The following SPHKAP variants were observed in gnomAD, a reference collection of about 807,000 sequenced individuals.
The protein encoded by SPHKAP is A-kinase anchor protein SPHKAP.
A neutral mutation model predicts 137.5 loss-of-function variants in SPHKAP; 67 were observed. That is an observed-to-expected ratio of 0.49 (90% CI 0.40 to 0.60). The LOEUF is 0.60. SPHKAP is among the 20% of genes least tolerant of loss of function. SPHKAP has a pLI of 0.00. For missense variants in SPHKAP, 2,097 were observed against 2,069.3 expected, an observed-to-expected ratio of 1.01 and a Z score of -0.26; for synonymous variants, 813 against 785.3, an observed-to-expected ratio of 1.04 and a Z score of -0.59.
chr2:228,002,502 T>C (rs1454265373), intron 7 of SPHKAP, among the ~76,000 whole-genome samples: 2 of 152,228 alleles, frequency 1.3e-5, no homozygotes, highest in African/African-American at 2.4e-5. Flanking sequence ...AAAAATTTTC[T>C]CCCATTTTGT....
intron 3 of SPHKAP, among the ~76,000 whole-genome samples, chr2:228,071,321 T>C (rs1192804904): frequency 1.3e-5 from 2 of 152,232 alleles, no homozygotes; most frequent in Non-Finnish European, 2.9e-5. Flanking sequence ...AAAAACCTGT[T>C]CATGCAAATA....
In SPHKAP at chr2:228,019,957, T is replaced by G; in HGVS notation, c.897A>C (p.Leu299=). 1 of 1,614,256 alleles carries G rather than the reference T, an allele frequency of 6.2e-7. No individual in the cohort carries two copies. Among genetic ancestry groups the G allele is most frequent in the Non-Finnish European group, 8.5e-7 (1 of 1,180,038 alleles). The change falls in exon 7 of 12, where the codon CTA becomes CTC. Residue 299 remains leucine (L), a synonymous_variant. Coordinates refer to ENST00000392056, the MANE Select transcript of SPHKAP (RefSeq NM_001142644.2). ...ACTGTGATGGCTTGGCTGAGGGATC[T>G]AGACTCTGCAAGGCTGTGTTCTTTG... ...NLTKNTALQS[L]DPSAKPSQWK...
At chr2:228,119,456 T>TACACACACACACACACACACAC (rs55846474) in intron 2 of SPHKAP, among the ~76,000 whole-genome samples, 1,856 of 137,030 alleles carry the variant, frequency 0.014, 24 homozygotes, top group African/African-American at 0.028. Context: ...AAGCCTAGTA[T>TACACACACACACACACACACAC]ACACACACAC....
chr2:228,027,000 G>A (rs1293058618), intron 4 of SPHKAP, among the ~76,000 whole-genome samples: 1 of 152,178 alleles, frequency 6.6e-6, no homozygotes, highest in Non-Finnish European at 1.5e-5. Context: ...CCAGAGGACT[G>A]AATAGATCTT....
In SPHKAP at chr2:228,017,940, G is replaced by A; in HGVS notation, c.2914C>T (p.Pro972Ser). ...TTCAAGGATCGGCAGGGTACGTTGG[G>A]TGTCATCAGAAACTCACTCCCTCTT... ...WKRGSEFLMTPNVPCRSLKRK... is the reference protein window; with the variant it reads ...WKRGSEFLMTSNVPCRSLKRK... Residue 972 changes from proline (P) to serine (S), a missense_variant, in exon 7 of 12, where the codon CCC becomes TCC. Coordinates refer to ENST00000392056, the MANE Select transcript of SPHKAP (RefSeq NM_001142644.2). The A allele has an allele frequency of 2.5e-6, 4 of 1,614,106 alleles. No individual in the cohort carries two copies. The highest frequency in any genetic ancestry group is 3.4e-6 in the Non-Finnish European group (4 of 1,180,018).
chr2:228,162,516 C>G (rs1301709205), intron 1 of SPHKAP, among the ~76,000 whole-genome samples: 1 of 152,100 alleles, frequency 6.6e-6, no homozygotes, highest in Non-Finnish European at 1.5e-5. Flanking sequence ...TGCAGCTATT[C>G]AAAAGTTGTC....
chr2:228,000,794 G>A (rs1693826963), intron 7 of SPHKAP, among the ~76,000 whole-genome samples: 1 of 152,046 alleles, frequency 6.6e-6, no homozygotes, highest in African/African-American at 2.4e-5. Flanking sequence ...ACCTACTGAA[G>A]AATCCCCTGT....
intron 1 of SPHKAP, among the ~76,000 whole-genome samples, chr2:228,147,138 A>G (rs182285872): frequency 1.3e-5 from 2 of 152,330 alleles, no homozygotes; most frequent in Admixed American, 6.5e-5. Context: ...ACTTAGTGCA[A>G]TGCCTGACAA....
intron 1 of SPHKAP, among the ~76,000 whole-genome samples, chr2:228,170,555 C>T (rs765320306): frequency 1.3e-5 from 2 of 152,032 alleles, no homozygotes; most frequent in African/African-American, 2.4e-5. Context: ...CAGCCATCAA[C>T]GTCAAGGCAA....
chr2:228,010,435 G>A (rs557759365), intron 7 of SPHKAP, among the ~76,000 whole-genome samples: 449 of 152,298 alleles, frequency 2.9e-3, no homozygotes, highest in South Asian at 0.011. Context: ...GGGAGGCTGA[G>A]GCAGGAGAAT....
At position 228,017,451 on chromosome 2, in the gene SPHKAP, TCAC is replaced by T. The variant is rs1694651604; in HGVS notation, c.3400_3402del (p.Val1134del). The T allele has an allele frequency of 6.2e-7, 1 of 1,613,922 alleles. No homozygotes were observed. The highest frequency in any genetic ancestry group is 8.5e-7 in the Non-Finnish European group (1 of 1,180,026). ...CCTCTCCCTTCATTTTCCATCTGGT[TCAC>T]CATGAACCTGGAAAACTCATCGGTG... On this transcript the variant is annotated inframe_deletion, in exon 7 of 12. Coordinates refer to ENST00000392056, the MANE Select transcript of SPHKAP (RefSeq NM_001142644.2).
chr2:228,090,259 C>T (rs1697681845), intron 3 of SPHKAP, among the ~76,000 whole-genome samples: 1 of 152,182 alleles, frequency 6.6e-6, no homozygotes, highest in Non-Finnish European at 1.5e-5. Flanking sequence ...TTAATGCCTG[C>T]CTTGCTGGGA....
rs999438193 is a variant in SPHKAP, at chr2:227,986,981, A to T, written c.4959+4019T>A. On this transcript the variant is annotated intron_variant, in intron 11 of 11. Coordinates refer to ENST00000392056, the MANE Select transcript of SPHKAP (RefSeq NM_001142644.2). ...TTCAAGTTAACTGATGTCAAGGTTT[A>T]CAAAGTGTTTTAAATTATTGGATGT... Among the ~76,000 whole-genome samples, 4 of 152,214 alleles carry T rather than the reference A, an allele frequency of 2.6e-5. No individual in the cohort carries two copies. The East Asian group carries it at 7.7e-4, about 29-fold the overall frequency.
chr2:228,092,628 T>C (rs1022196614), intron 3 of SPHKAP, among the ~76,000 whole-genome samples: 2 of 147,786 alleles, frequency 1.4e-5, no homozygotes, highest in Non-Finnish European at 3.0e-5. Flanking sequence ...TATATATGTG[T>C]ATATTATATG....
intron 1 of SPHKAP, among the ~76,000 whole-genome samples, chr2:228,156,792 AG>A (rs34415907): frequency 2.0e-5 from 3 of 152,162 alleles, no homozygotes; most frequent in Non-Finnish European, 4.4e-5. Context: ...GGCTTTATAA[AG>A]GGGAGGTCCC....
At chr2:228,100,971 TAA>T in intron 3 of SPHKAP, among the ~76,000 whole-genome samples, 1 of 152,154 alleles carries the variant, frequency 6.6e-6, no homozygotes, top group Non-Finnish European at 1.5e-5. Context: ...GCACTTTTTA[TAA>T]GAGTGGCCCA....
At chr2:228,148,548 C>G (rs1306661599) in intron 1 of SPHKAP, among the ~76,000 whole-genome samples, 1 of 152,134 alleles carries the variant, frequency 6.6e-6, no homozygotes, top group Non-Finnish European at 1.5e-5. Flanking sequence ...GGGCCAAAAC[C>G]TGAGACCTGG....
chr2:228,004,890 G>A (rs572302276), intron 7 of SPHKAP, among the ~76,000 whole-genome samples: 4 of 152,194 alleles, frequency 2.6e-5, no homozygotes, highest in Admixed American at 2.6e-4. Context: ...TTAATCCTGA[G>A]TTCTAGTTTG....
In SPHKAP at chr2:228,132,591, T is replaced by A. The variant is rs951354227; in HGVS notation, c.33-506A>T. ...TCTTTACCATTCCTGCGGCTGGAGA[T>A]AGCTCCTCAAATTCTCTATCTCCAA... is the stretch of plus-strand genomic sequence containing the variant. On this transcript the variant is annotated intron_variant, in intron 1 of 11. Coordinates refer to ENST00000392056, the MANE Select transcript of SPHKAP (RefSeq NM_001142644.2). The A allele has an allele frequency of 1.4e-5, 9 of 644,458 alleles. No individual in the cohort carries two copies. The African/African-American group carries it at 1.8e-4, about 13-fold the overall frequency. 39.9% of individuals were successfully genotyped at this position (644,458 alleles called of 1,614,324 possible). A position where few individuals can be genotyped will look rare whatever the true frequency, so the allele number is the denominator to read the frequency against.
Sources: allele counts gnomAD v4.1 joint callset (sites outside exome capture counted in the v4.1 genomes callset), GRCh38; gene constraint gnomAD v4.1.1; transcripts MANE v1.5; gene names NCBI Gene and HGNC (gene_info 2026-07-23, HGNC 2026-07-21).